Variants in VPS13C observed in about 807,000 individuals in gnomAD.
The protein encoded by VPS13C is intermembrane lipid transfer protein VPS13C.
Under a neutral mutation model 456.8 loss-of-function variants are expected in VPS13C, and 358 were observed. The observed-to-expected ratio is 0.78, with a 90% CI of 0.72 to 0.86. VPS13C has a LOEUF of 0.86. Among genes scored for constraint, VPS13C ranks in the 40% least tolerant of loss-of-function variants. The probability of loss-of-function intolerance (pLI) is 0.00; values close to 1 mark genes in which losing one functional copy is unlikely to be tolerated. For synonymous variants in VPS13C, 1,578 were observed against 1,486.7 expected (o/e 1.06, Z -1.41); for missense variants, 4,818 against 4,385.4 (o/e 1.10, Z -2.79).
In VPS13C at chr15:62,024,430, T is replaced by C. The variant is rs1031347063; in HGVS notation, c.449-585A>G. ...AATTCCTTTAAAACCTCATTCTCTT[T>C]CAACACTGCCTCACTGCATTCTGGC... is the stretch of plus-strand genomic sequence containing the variant. On this transcript the variant is annotated intron_variant, in intron 6 of 84. Coordinates refer to ENST00000644861, the MANE Select transcript of VPS13C (RefSeq NM_020821.3). 7.2e-5 allele frequency among the ~76,000 whole-genome samples: 11 copies of C among 152,044 alleles called. 1 individual carries two copies. Among genetic ancestry groups the C allele is most frequent in the South Asian group, 4.1e-4 (2 of 4,832 alleles).
In VPS13C at chr15:61,977,509, T is replaced by G. The variant is rs147836534; in HGVS notation, c.2291-310A>C. On this transcript the variant is annotated intron_variant, in intron 23 of 84. Transcript: ENST00000644861. ...AAAACAAAGCCCAGGATCTATTACCTCAATTCCAGAATTAGTGACTAAGGT... is the reference window on the plus strand; with the variant it reads ...AAAACAAAGCCCAGGATCTATTACCGCAATTCCAGAATTAGTGACTAAGGT... Among the ~76,000 whole-genome samples, 22 of 151,890 alleles carry G rather than the reference T, an allele frequency of 1.4e-4. 1 individual carries two copies. The highest frequency in any genetic ancestry group is 1.4e-3 in the Admixed American group (21 of 15,240).
At position 62,013,104 on chromosome 15, in the gene VPS13C, T is replaced by G; in HGVS notation, c.760A>C (p.Ser254Arg). 6.2e-7 allele frequency: 1 copy of G among 1,607,844 alleles called. No homozygotes were observed. Among genetic ancestry groups the G allele is most frequent in the Non-Finnish European group, 8.5e-7 (1 of 1,176,876 alleles). Reference protein sequence around the residue: ...KIIYKLIRLDSLSAYWNVNCS... With the variant: ...KIIYKLIRLDRLSAYWNVNCS... ...TTTACATTCCAGTAGGCGCTAAGAC[T>G]ATCAAGTCGTATAAGCTATAAGAGA... is the stretch of plus-strand genomic sequence containing the variant. The change falls in exon 11 of 85, where the codon AGT (serine) becomes CGT (arginine). Residue 254 changes from serine (S) to arginine (R), a missense_variant. Physicochemically the swap from Ser to Arg is moderately radical, Grantham distance 110 (BLOSUM62 -1). Around this residue, in one of 3 missense-constraint regions of VPS13C, gnomAD observed 4,552 missense variants for 4,130.6 expected, o/e 1.10. Transcript: ENST00000644861.
At chr15:62,049,052 T>C (rs1414790136) in intron 1 of VPS13C, among the ~76,000 whole-genome samples, 6 of 151,662 alleles carry the variant, frequency 4.0e-5, no homozygotes, top group Middle Eastern at 3.4e-3. Flanking sequence ...ATTTTGTAGG[T>C]TGCCTGTTCA....
At chr15:62,046,499 G>A (rs1432014130) in intron 1 of VPS13C, among the ~76,000 whole-genome samples, 2 of 152,162 alleles carry the variant, frequency 1.3e-5, no homozygotes, top group East Asian at 3.8e-4. Flanking sequence ...CTAGCCTACA[G>A]GGTAATCTGC....
intron 81 of VPS13C, chr15:61,864,521 C>G: frequency 1.1e-6 from 1 of 875,616 alleles, no homozygotes; most frequent in Non-Finnish European, 1.4e-6. Context: ...CATTTTACGA[C>G]CAAGAATATA....
At position 61,882,738 on chromosome 15, in the gene VPS13C, T is replaced by C; in HGVS notation, c.9484-2A>G. On this transcript the variant is annotated splice_acceptor_variant, in intron 68 of 84. Transcript: ENST00000644861. LOFTEE classifies it high-confidence loss of function. ...CATTGGATCTTTATCAAAATTGACC[T>C]AGAAAAAAAGCACATGTTTTTGTGA... 1.3e-6 allele frequency: 2 copies of C among 1,584,762 alleles called. No individual in the cohort carries two copies. The highest frequency in any genetic ancestry group is 1.7e-6 in the Non-Finnish European group (2 of 1,168,812).
intron 79 of VPS13C, among the ~76,000 whole-genome samples, chr15:61,870,794 G>A (rs1345785121): frequency 6.6e-6 from 1 of 152,076 alleles, no homozygotes; most frequent in African/African-American, 2.4e-5. Flanking sequence ...CTTAACACTT[G>A]ATTCTAGCCA....
intron 27 of VPS13C, among the ~76,000 whole-genome samples, chr15:61,972,188 T>C (rs927786055): frequency 1.2e-4 from 18 of 152,232 alleles, no homozygotes; most frequent in African/African-American, 3.9e-4. Flanking sequence ...TGTTTCCTTT[T>C]ACCACATGAC....
chr15:61,953,154 C>A (rs902626195), intron 38 of VPS13C, among the ~76,000 whole-genome samples: 2 of 152,130 alleles, frequency 1.3e-5, no homozygotes, highest in East Asian at 3.8e-4. Flanking sequence ...CATACTCACA[C>A]TTTTATGCCT....
At chr15:62,039,146 C>G (rs1422931457) in intron 3 of VPS13C, among the ~76,000 whole-genome samples, 2 of 152,252 alleles carry the variant, frequency 1.3e-5, no homozygotes, top group East Asian at 3.9e-4. Flanking sequence ...ATGTTTATCA[C>G]AGCACTAACC....
At chr15:62,033,613 C>G in intron 4 of VPS13C, 71 bp from the exon 5 acceptor site, 1 of 1,128,456 alleles carries the variant, frequency 8.9e-7, no homozygotes, top group South Asian at 1.6e-5. Flanking sequence ...AAAGTTCAGC[C>G]TCATTAGGAT....
At chr15:62,017,156 T>C (rs531246220) in intron 9 of VPS13C, among the ~76,000 whole-genome samples, 1 of 152,312 alleles carries the variant, frequency 6.6e-6, no homozygotes, top group Non-Finnish European at 1.5e-5. Flanking sequence ...TCTAAATTTG[T>C]TTGAGTTCTT....
chr15:61,872,412 T>C (rs571957302), intron 78 of VPS13C, among the ~76,000 whole-genome samples: 1 of 152,202 alleles, frequency 6.6e-6, no homozygotes, highest in South Asian at 2.1e-4. Context: ...TATCTAATTA[T>C]AAATTTTAAG....
chr15:62,018,660 T>A (rs1826648747), intron 9 of VPS13C, among the ~76,000 whole-genome samples: 1 of 151,848 alleles, frequency 6.6e-6, no homozygotes, highest in Admixed American at 6.6e-5. Flanking sequence ...GTGGATAAGC[T>A]TTTTGATGTG....
chr15:62,000,749 G>C (rs2046583801), intron 15 of VPS13C, 123 bp from the exon 16 acceptor site: 1 of 674,670 alleles, frequency 1.5e-6, no homozygotes, highest in Non-Finnish European at 2.3e-6. Flanking sequence ...GAAAGTATTA[G>C]TATAAATTTG....
intron 15 of VPS13C, among the ~76,000 whole-genome samples, chr15:62,003,671 C>T (rs886922206): frequency 4.0e-5 from 6 of 151,572 alleles, no homozygotes; most frequent in African/African-American, 1.5e-4. Flanking sequence ...ATAAATAGCT[C>T]TTATTATTTT....
chr15:61,959,468 C>CT lies in VPS13C; in HGVS notation c.4035dup (p.Gly1346ArgfsTer4). The CT allele has an allele frequency of 6.2e-7, 1 of 1,611,086 alleles. No individual in the cohort carries two copies. The highest frequency in any genetic ancestry group is 1.1e-5 in the South Asian group (1 of 90,762). On this transcript the variant is annotated frameshift_variant, in exon 36 of 85. Coordinates refer to ENST00000644861, the MANE Select transcript of VPS13C (RefSeq NM_020821.3). LOFTEE classifies it high-confidence loss of function. ...CTTACATTCATTGAATCAAGATGTC[C>CT]TTTAATTTCCACAACAGGCACCTTG...
intron 5 of VPS13C, among the ~76,000 whole-genome samples, chr15:62,031,564 T>C (rs1226188387): frequency 2.0e-5 from 3 of 152,006 alleles, no homozygotes; most frequent in African/African-American, 7.2e-5. Context: ...TCCCAATTCC[T>C]GAATTCATCT....
chr15:61,909,424 G>A (rs1220244579), intron 64 of VPS13C, among the ~76,000 whole-genome samples: 1 of 152,160 alleles, frequency 6.6e-6, no homozygotes, highest in Non-Finnish European at 1.5e-5. Context: ...GGCCAGGCTG[G>A]TCTCGAACTC....
Sources: gnomAD v4.1 joint callset for allele counts (sites outside exome capture counted in the v4.1 genomes callset) on GRCh38, gnomAD v4.1.1 for gene constraint, gnomAD v4.1.1 regional missense constraint, MANE v1.5 for transcripts, NCBI Gene and HGNC (gene_info 2026-07-23, HGNC 2026-07-21) for gene names.